The following NPAT variants were observed in gnomAD, a reference collection of about 807,000 sequenced individuals.
NPAT encodes the protein nuclear protein, coactivator of histone transcription.
A neutral mutation model predicts 130.7 loss-of-function variants in NPAT; 52 were observed. That is an observed-to-expected ratio of 0.40 (90% confidence interval 0.32 to 0.50). NPAT has a LOEUF of 0.50. Ranked by LOEUF, NPAT falls within the 20% of genes least tolerant of loss-of-function variation. The pLI, the probability that NPAT is intolerant of heterozygous loss-of-function variation, is 0.68. For synonymous variants in NPAT, 580 were observed against 584.8 expected, an observed-to-expected ratio of 0.99 and a Z score of 0.12; for missense variants, 1,687 against 1,662.6, an observed-to-expected ratio of 1.01 and a Z score of -0.26.
chr11:108,216,987 A>G (rs941156701), intron 1 of NPAT, among the ~76,000 whole-genome samples: 2 of 152,194 alleles, frequency 1.3e-5, no homozygotes, highest in African/African-American at 4.8e-5. Flanking sequence ...ATTTTGTTCA[A>G]TGTTTTTGTT....
At chr11:108,159,059 G>C (rs770243935) in intron 17 of NPAT, 40 bp from the exon 18 acceptor site, 1 of 1,335,772 alleles carries the variant, frequency 7.5e-7, no homozygotes, top group South Asian at 1.2e-5. Flanking sequence ...TCAAAACAAG[G>C]CCAAAATGCT....
At position 108,158,896 on chromosome 11, in the gene NPAT, G is replaced by C. The variant is rs1406504421; in HGVS notation, c.*46C>G. 1 of 1,103,704 alleles carries C rather than the reference G, an allele frequency of 9.1e-7. No homozygotes were observed. Among genetic ancestry groups the C allele is most frequent in the East Asian group, 2.4e-5 (1 of 42,374 alleles). The allele number at this position is 1,103,704 out of a possible 1,614,324, so 68.4% of individuals were successfully genotyped here. A position where few individuals can be genotyped will look rare whatever the true frequency, so the allele number is the denominator to read the frequency against. ...ATCCCATTCCCTACACTCAGTTTAA[G>C]GGATATGAGTTTTTAACACCTACTG... is the stretch of plus-strand genomic sequence containing the variant. On this transcript the variant is annotated 3_prime_UTR_variant, in exon 18 of 18. Coordinates refer to ENST00000278612, the MANE Select transcript of NPAT (RefSeq NM_002519.3).
intron 13 of NPAT, 44 bp from the exon 14 acceptor site, chr11:108,170,087 T>A (rs1052472441): frequency 5.3e-6 from 7 of 1,318,352 alleles, no homozygotes; most frequent in Non-Finnish European, 7.7e-6. Flanking sequence ...CTCTGAAATG[T>A]TTTGGCACAA....
intron 1 of NPAT, among the ~76,000 whole-genome samples, chr11:108,203,194 C>G (rs919957048): frequency 1.3e-5 from 2 of 152,186 alleles, no homozygotes; most frequent in Non-Finnish European, 2.9e-5. Context: ...TACAGACGAC[C>G]TTTTCTCACC....
At chr11:108,162,498 TCGG>T (rs1337026949) in intron 15 of NPAT, among the ~76,000 whole-genome samples, 8 of 152,328 alleles carry the variant, frequency 5.3e-5, no homozygotes, top group Middle Eastern at 3.4e-3. Flanking sequence ...TGGCATGATC[TCGG>T]CTCACTGCAA....
Position 108,161,441 on chromosome 11 carries a change from T to G in NPAT, c.3645A>C (p.Ser1215=), listed in dbSNP as rs2077848027. Residue 1215 remains serine (S), a synonymous_variant, in exon 17 of 18, where the codon TCA becomes TCC. Transcript: ENST00000278612. The stretch of plus-strand genomic sequence containing the variant: ...CTACTGAAAGTACATTTTTATTGTT[T>G]GAAGATGTGCCTTGTTTTTTGGTCA... The part of the protein sequence containing the change: ...QEMTKKQGTS[S]NNKNVLSVGT... The G allele has an allele frequency of 6.2e-7, 1 of 1,614,230 alleles. No individual in the cohort carries two copies. The highest frequency in any genetic ancestry group is 8.5e-7 in the Non-Finnish European group (1 of 1,180,038).
chr11:108,188,847 T>C (rs776609773), intron 6 of NPAT, among the ~76,000 whole-genome samples: 1 of 152,190 alleles, frequency 6.6e-6, no homozygotes, highest in Non-Finnish European at 1.5e-5. Flanking sequence ...ACAGCTTCTT[T>C]TTCTCTTAAT....
At chr11:108,211,153 T>G (rs540184634) in intron 1 of NPAT, among the ~76,000 whole-genome samples, 3 of 151,558 alleles carry the variant, frequency 2.0e-5, no homozygotes, top group Non-Finnish European at 4.4e-5. Context: ...GAGTCAGAGG[T>G]TGCAGTGAGC....
chr11:108,170,427 T>C (rs1225624109), intron 13 of NPAT, among the ~76,000 whole-genome samples: 1 of 152,184 alleles, frequency 6.6e-6, no homozygotes, highest in African/African-American at 2.4e-5. Context: ...AGTCTGAACC[T>C]TACACCAGAA....
At chr11:108,186,687 G>T (rs1201253826) in intron 7 of NPAT, 118 bp from the exon 8 acceptor site, 1 of 844,244 alleles carries the variant, frequency 1.2e-6, no homozygotes, top group Non-Finnish European at 1.9e-6. Flanking sequence ...AGTTGTCCCT[G>T]TATCTGCAGG....
rs764750419 is a variant in NPAT, at chr11:108,161,696, T to C, written c.3390A>G (p.Lys1130=). The change falls in exon 17 of 18, where the codon AAA becomes AAG. Residue 1130 remains lysine (K), a synonymous_variant. Coordinates refer to ENST00000278612, the MANE Select transcript of NPAT (RefSeq NM_002519.3). ...EKPPLPKILS[K]SESAISRHTT... ...TATGCCGGCTAATGGCACTTTCCGA[T>C]TTAGATAAAATCTTAGGCAGAGGAG... 3.1e-6 allele frequency: 5 copies of C among 1,613,954 alleles called. No individual in the cohort carries two copies. In the Admixed American group the frequency reaches 5.0e-5, roughly 16 times the overall value.
chr11:108,206,235 T>G (rs1043192232), intron 1 of NPAT, among the ~76,000 whole-genome samples: 4 of 152,154 alleles, frequency 2.6e-5, no homozygotes, highest in Non-Finnish European at 5.9e-5. Context: ...CCTTAGGGTG[T>G]CGCTTTTCCA....
At position 108,161,885 on chromosome 11, in the gene NPAT, G is replaced by A. The variant is rs563683206; in HGVS notation, c.3201C>T (p.Asp1067=). 10 of 1,614,062 alleles carry A rather than the reference G, an allele frequency of 6.2e-6. No individual in the cohort carries two copies. The South Asian group carries it at 7.7e-5, about 12-fold the overall frequency. ...TATTTGCCACAGGAGCAGTAGTGCT[G>A]TCGAAACAGAGTACACGTCTGTGGC... The part of the protein sequence containing the change: ...KPCHRRVLCF[D]STTAPVANTQ... The change falls in exon 17 of 18, where the codon GAC becomes GAT. Residue 1067 remains aspartate (D), a synonymous_variant. Coordinates refer to ENST00000278612, the MANE Select transcript of NPAT (RefSeq NM_002519.3).
At chr11:108,190,991 C>T (rs2078163898) in intron 4 of NPAT, among the ~76,000 whole-genome samples, 1 of 152,168 alleles carries the variant, frequency 6.6e-6, no homozygotes, top group Admixed American at 6.5e-5. Flanking sequence ...AACTTTTGAG[C>T]TCAGGCGTTC....
chr11:108,161,752 T>C lies in NPAT; in HGVS notation c.3334A>G (p.Asn1112Asp), dbSNP rs185728047. 1.2e-4 allele frequency: 189 copies of C among 1,613,806 alleles called. No individual in the cohort carries two copies. In the East Asian group the frequency reaches 3.9e-3, roughly 33 times the overall value. Residue 1112 changes from asparagine to aspartate, a missense_variant, in exon 17 of 18, where the codon AAT becomes GAT. By Grantham distance (23) the Asn-to-Asp change is conservative. Transcript: ENST00000278612. ...TCTTTCTCTCTTTTGATAGCATTAT[T>C]AGAAGGGGGTTTTAAGGTGGAGGAC... ...NVSSTLKPPS[N>D]NAIKREKEKP...
chr11:108,212,279 C>T (rs1430751618), intron 1 of NPAT, among the ~76,000 whole-genome samples: 1 of 152,132 alleles, frequency 6.6e-6, no homozygotes, highest in East Asian at 1.9e-4. Context: ...AATCCCAGCA[C>T]TTTGGGAGGC....
At chr11:108,211,871 G>C (rs1281534323) in intron 1 of NPAT, among the ~76,000 whole-genome samples, 6 of 152,086 alleles carry the variant, frequency 3.9e-5, no homozygotes, top group Non-Finnish European at 8.8e-5. Context: ...GATAGTTTTA[G>C]TCTGGGAGGC....
chr11:108,186,338 A>G, intron 8 of NPAT, 144 bp downstream of exon 8: 1 of 679,970 alleles, frequency 1.5e-6, no homozygotes, highest in South Asian at 1.7e-5. Flanking sequence ...AAATGATCCA[A>G]CAACAACAAT....
At chr11:108,181,230 G>A (rs1296490524) in intron 10 of NPAT, among the ~76,000 whole-genome samples, 2 of 152,156 alleles carry the variant, frequency 1.3e-5, no homozygotes, top group Non-Finnish European at 2.9e-5. Context: ...TTGGGAGGCC[G>A]AGGCGGGCAG....
Sources: allele counts gnomAD v4.1 joint callset (sites outside exome capture counted in the v4.1 genomes callset), GRCh38; gene constraint gnomAD v4.1.1; transcripts MANE v1.5; gene names NCBI Gene and HGNC (gene_info 2026-07-23, HGNC 2026-07-21).